The following PTPRD variants were observed in gnomAD, a reference collection of about 807,000 sequenced individuals.
PTPRD encodes receptor-type tyrosine-protein phosphatase delta.
Under a neutral mutation model 214.5 loss-of-function variants are expected in PTPRD, and 34 were observed. The ratio of observed to expected loss-of-function variants is 0.16; its 90% CI spans 0.12 to 0.21. The LOEUF (loss-of-function observed/expected upper bound fraction) is 0.21, where lower values mean the gene tolerates loss of function less well. Ranked by LOEUF, PTPRD falls within the 10% of genes least tolerant of loss-of-function variation. PTPRD has a pLI of 1.00. For missense variants in PTPRD, 2,545 were observed against 2,398.7 expected (o/e 1.06, Z -1.27); for synonymous variants, 1,128 against 845.7 (o/e 1.33, Z -5.79).
Position 10,104,880 on chromosome 9 carries a change from G to A in PTPRD, c.-544-71090C>T, listed in dbSNP as rs147658762. ...TGCTCCTGCCTTAGTCTCCTGTCGT[G>A]TTTCCTGCTACATATTCCAGCTACT... On this transcript the variant is annotated intron_variant, in intron 3 of 45. Transcript: ENST00000381196. Among the ~76,000 whole-genome samples the A allele has an allele frequency of 4.4e-3, 671 of 151,928 alleles. 3 individuals are homozygous for A. The highest frequency in any genetic ancestry group is 0.015 in the African/African-American group (642 of 41,504).
intron 3 of PTPRD, among the ~76,000 whole-genome samples, chr9:10,237,687 A>G (rs1054451968): frequency 6.6e-6 from 1 of 151,912 alleles, no homozygotes; most frequent in Non-Finnish European, 1.5e-5. Flanking sequence ...CTGTTTCAGC[A>G]TCTCATTTCT....
rs76799178 is a variant in PTPRD at position 10,550,468 on chromosome 9, G to A, written c.-600+61930C>T. 7.7e-3 allele frequency among the ~76,000 whole-genome samples: 1,174 copies of A among 152,214 alleles called. 27 individuals are homozygous for A. Among genetic ancestry groups the A allele is most frequent in the African/African-American group, 0.027 (1,105 of 41,552 alleles). On this transcript the variant is annotated intron_variant, in intron 2 of 45. Coordinates refer to ENST00000381196, the MANE Select transcript of PTPRD (RefSeq NM_002839.4). The stretch of plus-strand genomic sequence containing the variant: ...AGGGAAGGATGAAAGACAATAAAGT[G>A]TGCTTCACTGAGCTGGTTGCTGATT...
chr9:9,296,382 T>C (rs1569567159), intron 9 of PTPRD, among the ~76,000 whole-genome samples: 1 of 151,770 alleles, frequency 6.6e-6, no homozygotes, highest in African/African-American at 2.4e-5. Context: ...AGAGGGATAA[T>C]TGCTCCATCA....
At chr9:8,842,282 G>C (rs1201350507) in intron 11 of PTPRD, among the ~76,000 whole-genome samples, 2 of 152,116 alleles carry the variant, frequency 1.3e-5, no homozygotes, top group Non-Finnish European at 2.9e-5. Flanking sequence ...GTAGGAGAAA[G>C]GGCGACTATG....
intron 35 of PTPRD, among the ~76,000 whole-genome samples, chr9:8,414,968 A>G (rs897711692): frequency 1.5e-4 from 22 of 149,532 alleles, no homozygotes; most frequent in African/African-American, 4.7e-4. Flanking sequence ...AGAGAGAGAG[A>G]GAGAGACAGA....
At chr9:9,908,763 A>G (rs932239719) in intron 5 of PTPRD, among the ~76,000 whole-genome samples, 1 of 152,036 alleles carries the variant, frequency 6.6e-6, no homozygotes, top group Admixed American at 6.6e-5. Context: ...CAAACAAAAT[A>G]TAACATATTT....
At chr9:9,189,625 C>G (rs968084160) in intron 9 of PTPRD, among the ~76,000 whole-genome samples, 3 of 151,894 alleles carry the variant, frequency 2.0e-5, no homozygotes, top group African/African-American at 7.3e-5. Flanking sequence ...TCTTTGCCCA[C>G]TATACTGAAA....
At chr9:9,534,487 G>A (rs1309515474) in intron 8 of PTPRD, among the ~76,000 whole-genome samples, 2 of 152,032 alleles carry the variant, frequency 1.3e-5, no homozygotes, top group Admixed American at 6.6e-5. Flanking sequence ...CAAAGGGGAT[G>A]ACAGTTTTAT....
chr9:9,990,369 A>G (rs1367680806), intron 4 of PTPRD, among the ~76,000 whole-genome samples: 1 of 152,222 alleles, frequency 6.6e-6, no homozygotes, highest in African/African-American at 2.4e-5. Flanking sequence ...TCAGATGTGC[A>G]GTTCAGAACA....
intron 7 of PTPRD, among the ~76,000 whole-genome samples, chr9:9,674,566 G>C (rs748601022): frequency 2.0e-5 from 3 of 151,610 alleles, no homozygotes; most frequent in African/African-American, 4.8e-5. Context: ...TGTAAGACAC[G>C]TTCATATACT....
At chr9:10,143,666 C>G (rs1207686027) in intron 3 of PTPRD, among the ~76,000 whole-genome samples, 1 of 152,052 alleles carries the variant, frequency 6.6e-6, no homozygotes, top group Non-Finnish European at 1.5e-5. Flanking sequence ...AGGTGTCCAT[C>G]AACAGTGGGT....
intron 12 of PTPRD, among the ~76,000 whole-genome samples, chr9:8,682,289 G>A (rs779125801): frequency 5.2e-4 from 79 of 152,236 alleles, no homozygotes; most frequent in African/African-American, 1.8e-3. Context: ...GACTCCTACC[G>A]GGATATACCC....
In PTPRD at chr9:10,612,706, G is replaced by A. The variant is rs534449907; in HGVS notation, c.-726C>T. On this transcript the variant is annotated 5_prime_UTR_variant, in exon 1 of 46. Coordinates refer to ENST00000381196, the MANE Select transcript of PTPRD (RefSeq NM_002839.4). Reference sequence around the variant, plus strand: ...AAAGTACCTGCACTCTCCCCGCCGAGGCTGGCTGGCGGCGCCGCGCCGGAG... The same window carrying A: ...AAAGTACCTGCACTCTCCCCGCCGAAGCTGGCTGGCGGCGCCGCGCCGGAG... 1.3e-5 allele frequency: 2 copies of A among 152,716 alleles called. No individual in the cohort carries two copies. Among genetic ancestry groups the A allele is most frequent in the South Asian group, 4.1e-4 (2 of 4,844 alleles). The allele number at this position is 152,716 out of a possible 1,614,324, so 9.5% of individuals were successfully genotyped here. A position where few individuals can be genotyped will look rare whatever the true frequency, so the allele number is the denominator to read the frequency against.
chr9:9,521,031 A>T (rs1213554163), intron 8 of PTPRD, among the ~76,000 whole-genome samples: 1 of 152,132 alleles, frequency 6.6e-6, no homozygotes, highest in Non-Finnish European at 1.5e-5. Context: ...ATGCACACTA[A>T]ATTTAAAGAA....
chr9:9,551,339 C>G (rs1469287210), intron 8 of PTPRD, among the ~76,000 whole-genome samples: 1 of 151,920 alleles, frequency 6.6e-6, no homozygotes, highest in African/African-American at 2.4e-5. Context: ...TTAAGGGTCT[C>G]TAATTATTCC....
At chr9:9,810,061 C>T (rs28643312) in intron 5 of PTPRD, among the ~76,000 whole-genome samples, 2,288 of 150,018 alleles carry the variant, frequency 0.015, 48 homozygotes, top group African/African-American at 0.053. Context: ...TCCCCTTCCT[C>T]CTGCACCTCC....
intron 3 of PTPRD, among the ~76,000 whole-genome samples, chr9:10,118,635 G>C (rs2098750104): frequency 6.6e-6 from 1 of 151,382 alleles, no homozygotes; most frequent in South Asian, 2.1e-4. Flanking sequence ...ATGTTAGTTG[G>C]CTATGAGCTC....
chr9:8,346,523 A>C (rs1449152769), intron 39 of PTPRD, among the ~76,000 whole-genome samples: 1 of 152,150 alleles, frequency 6.6e-6, no homozygotes, highest in Admixed American at 6.6e-5. Flanking sequence ...AGTGTGGTGA[A>C]ATCTCAAGCC....
chr9:10,583,844 C>T (rs2072969081), intron 2 of PTPRD, among the ~76,000 whole-genome samples: 1 of 152,056 alleles, frequency 6.6e-6, no homozygotes, highest in South Asian at 2.1e-4. Flanking sequence ...TGTGTTATTT[C>T]GAAGGGCAGC....
Sources: gnomAD v4.1 joint callset for allele counts (sites outside exome capture counted in the v4.1 genomes callset) on GRCh38, gnomAD v4.1.1 for gene constraint, MANE v1.5 for transcripts, NCBI Gene and HGNC (gene_info 2026-07-23, HGNC 2026-07-21) for gene names.